The following SLC14A2 variants were observed in gnomAD, a reference collection of about 807,000 sequenced individuals.
SLC14A2 encodes the protein solute carrier family 14 member 2, also known as urea transporter 2.
In SLC14A2, 91 loss-of-function variants were observed where a neutral mutation model predicts 104.6. The ratio of observed to expected loss-of-function variants is 0.87; its 90% CI spans 0.73 to 1.04. SLC14A2 has a LOEUF of 1.04. Among genes scored for constraint, SLC14A2 ranks in the 50% least tolerant of loss-of-function variants. The pLI is 0.00. For missense variants in SLC14A2, 1,189 were observed against 1,156.0 expected (o/e 1.03, Z -0.41); for synonymous variants, 476 against 466.4 (o/e 1.02, Z -0.27).
chr18:45,343,673 G>A (rs2085419679), intron 1 of SLC14A2, among the ~76,000 whole-genome samples: 1 of 152,102 alleles, frequency 6.6e-6, no homozygotes, highest in Non-Finnish European at 1.5e-5. Context: ...ATTTAATTTT[G>A]GCTGAAAGGA....
chr18:45,517,785 C>T (rs7236548), intron 2 of SLC14A2, among the ~76,000 whole-genome samples: 2 of 151,998 alleles, frequency 1.3e-5, no homozygotes, highest in African/African-American at 2.4e-5. Flanking sequence ...GGGCATTCCA[C>T]TGAAAACTTT....
Position 45,669,417 on chromosome 18 carries a change from C to G in SLC14A2, c.2148C>G (p.Tyr716Ter). 1 of 1,613,782 alleles carries G rather than the reference C, an allele frequency of 6.2e-7. No individual in the cohort carries two copies. The highest frequency in any genetic ancestry group is 8.5e-7 in the Non-Finnish European group (1 of 1,179,932). ...VTLYLAATGH[Y>*]NLFFPTTLLQ... ...TGTACCTGGCAGCCACGGGCCACTA[C>G]AACCTTTTCTTCCCCACAACGCTGC... Residue 716 changes from tyrosine (Y) to a stop codon, truncating the protein, a stop_gained, in exon 16 of 20, where the codon TAC becomes TAG. Coordinates refer to ENST00000255226, the MANE Select transcript of SLC14A2 (RefSeq NM_007163.4). LOFTEE classifies it high-confidence loss of function.
At chr18:45,368,753 G>T (rs79270938) in intron 1 of SLC14A2, among the ~76,000 whole-genome samples, 1,985 of 152,264 alleles carry the variant, frequency 0.013, 17 homozygotes, top group Non-Finnish European at 0.019. Context: ...TCTGAATTTC[G>T]TTTTGGATTG....
intron 1 of SLC14A2, among the ~76,000 whole-genome samples, chr18:45,406,838 T>C (rs1001551003): frequency 3.3e-5 from 5 of 152,170 alleles, no homozygotes; most frequent in African/African-American, 1.2e-4. Flanking sequence ...TTTTTTTTTC[T>C]GAGCAGTAAG....
chr18:45,669,796 TC>T (rs1033962380), intron 16 of SLC14A2, among the ~76,000 whole-genome samples: 2 of 152,230 alleles, frequency 1.3e-5, no homozygotes, highest in African/African-American at 4.8e-5. Context: ...AACTTCAGCC[TC>T]CTGACTTCCA....
chr18:45,506,911 C>T (rs937466233), intron 2 of SLC14A2, among the ~76,000 whole-genome samples: 2 of 152,186 alleles, frequency 1.3e-5, no homozygotes, highest in African/African-American at 4.8e-5. Context: ...GTGAGAGGAC[C>T]TGACTTTCCT....
chr18:45,623,695 C>A (rs144205200), intron 1 of SLC14A2, among the ~76,000 whole-genome samples: 1 of 152,146 alleles, frequency 6.6e-6, no homozygotes, highest in South Asian at 2.1e-4. Context: ...GATGAGTATA[C>A]GGAATGGTAG....
intron 10 of SLC14A2, among the ~76,000 whole-genome samples, chr18:45,649,742 C>A (rs2045697624): frequency 1.3e-5 from 2 of 152,240 alleles, no homozygotes; most frequent in South Asian, 4.1e-4. Context: ...GCCCTGCAGT[C>A]TCTCCCCTCA....
intron 1 of SLC14A2, among the ~76,000 whole-genome samples, chr18:45,276,088 A>AGGCT (rs1253563814): frequency 6.6e-6 from 1 of 152,228 alleles, no homozygotes; most frequent in African/African-American, 2.4e-5. Flanking sequence ...AAAGGCCCTG[A>AGGCT]GGCTGGCTGC....
intron 2 of SLC14A2, among the ~76,000 whole-genome samples, chr18:45,536,132 G>T (rs1004615559): frequency 1.3e-5 from 2 of 152,098 alleles, no homozygotes; most frequent in African/African-American, 4.8e-5. Context: ...GTATTGTATT[G>T]CCTATGTGAG....
intron 1 of SLC14A2, among the ~76,000 whole-genome samples, chr18:45,240,947 C>G (rs1301851642): frequency 6.6e-6 from 1 of 152,134 alleles, no homozygotes; most frequent in African/African-American, 2.4e-5. Flanking sequence ...CGTGAGCCAC[C>G]GCGCCCAGCT....
intron 1 of SLC14A2, among the ~76,000 whole-genome samples, chr18:45,333,629 T>C (rs2085310815): frequency 6.6e-6 from 1 of 152,220 alleles, no homozygotes; most frequent in South Asian, 2.1e-4. Context: ...CATCACCTTT[T>C]TGCTAGGCAT....
chr18:45,679,137 C>T, intron 19 of SLC14A2, 113 bp downstream of exon 19: 2 of 976,610 alleles, frequency 2.0e-6, no homozygotes, highest in East Asian at 2.5e-5. Context: ...CAGTTCATCT[C>T]CCTTATTTCA....
At chr18:45,179,311 A>G in the SLC14A2 span, among the ~76,000 whole-genome samples, 8 of 152,180 alleles carry the variant, frequency 5.3e-5, no homozygotes, top group African/African-American at 1.9e-4. Flanking sequence ...GCCTTCTGTC[A>G]TCGCACTGGC....
intron 2 of SLC14A2, among the ~76,000 whole-genome samples, chr18:45,514,176 G>T (rs555818804): frequency 5.3e-5 from 8 of 152,174 alleles, no homozygotes; most frequent in Non-Finnish European, 1.0e-4. Flanking sequence ...AGGAAAAGAG[G>T]TTTAATCAGC....
At chr18:45,214,785 T>C (rs1285106866) in intron 1 of SLC14A2, among the ~76,000 whole-genome samples, 1 of 152,026 alleles carries the variant, frequency 6.6e-6, no homozygotes, top group Non-Finnish European at 1.5e-5. Context: ...CATGTCATCA[T>C]TAACAACAAA....
chr18:45,621,626 C>G (rs1432993083), intron 1 of SLC14A2, among the ~76,000 whole-genome samples: 1 of 152,208 alleles, frequency 6.6e-6, no homozygotes, highest in Non-Finnish European at 1.5e-5. Flanking sequence ...TTATTGAACC[C>G]TTACTACATG....
chr18:45,637,284 CATCTATA>C, intron 6 of SLC14A2, 102 bp downstream of exon 6: 1 of 894,664 alleles, frequency 1.1e-6, no homozygotes, highest in Non-Finnish European at 1.7e-6. Context: ...TCTCTAGAAA[CATCTATA>C]CCAGATGATG....
chr18:45,468,733 G>A (rs894032171), intron 1 of SLC14A2, among the ~76,000 whole-genome samples: 4 of 152,200 alleles, frequency 2.6e-5, no homozygotes, highest in Non-Finnish European at 1.5e-5. Context: ...CCGTGAAAGA[G>A]GTTAAGGCTT....
Sources: gnomAD v4.1 joint callset for allele counts (sites outside exome capture counted in the v4.1 genomes callset) on GRCh38, gnomAD v4.1.1 for gene constraint, MANE v1.5 for transcripts, NCBI Gene and HGNC (gene_info 2026-07-23, HGNC 2026-07-21) for gene names.